PRC1: variants seen among roughly 807,000 people sequenced by gnomAD.
The protein encoded by PRC1 is anaphase spindle elongation 1 homolog.
A neutral mutation model predicts 91.2 loss-of-function variants in PRC1; 54 were observed. The observed-to-expected ratio is 0.59, with a 90% CI of 0.48 to 0.74. PRC1 has a LOEUF of 0.74. Ranked by LOEUF, PRC1 falls within the 30% of genes least tolerant of loss-of-function variation. The probability of loss-of-function intolerance (pLI) is 0.00; values close to 1 mark genes in which losing one functional copy is unlikely to be tolerated. For missense variants in PRC1, 727 were observed against 746.2 expected (o/e 0.97, Z 0.30); for synonymous variants, 275 against 263.6 (o/e 1.04, Z -0.42).
chr15:90,981,091 T>G, intron 5 of PRC1, 58 bp from the exon 6 acceptor site: 1 of 1,593,856 alleles, frequency 6.3e-7, no homozygotes, highest in South Asian at 1.1e-5. Context: ...AGGCTAGCCC[T>G]CTAGCCTCCC....
intron 7 of PRC1, 75 bp downstream of exon 7, chr15:90,980,167 C>A (rs913720386): frequency 6.9e-7 from 1 of 1,457,166 alleles, no homozygotes; most frequent in Non-Finnish European, 9.1e-7. Context: ...AGCCTAGGAA[C>A]TTGAGACTAG....
chr15:90,975,943 G>C (rs764207215), intron 9 of PRC1, among the ~76,000 whole-genome samples: 1 of 152,134 alleles, frequency 6.6e-6, no homozygotes, highest in Non-Finnish European at 1.5e-5. Context: ...CGGAGAAGAC[G>C]ACAACCATTT....
Position 90,984,169 on chromosome 15 carries a change from T to A in PRC1, c.145-29A>T. The A allele has an allele frequency of 6.2e-7, 1 of 1,608,438 alleles. No homozygotes were observed. Among genetic ancestry groups the A allele is most frequent in the South Asian group, 1.1e-5 (1 of 90,814 alleles). ...CAAGAGGGAAAACAGTCCATAAGTT[T>A]GGGGCAATGGAGGAAAAAAACTCCC... On this transcript the variant is annotated intron_variant, in intron 2 of 14. Coordinates refer to ENST00000394249, the MANE Select transcript of PRC1 (RefSeq NM_003981.4). This position sits in a 1 kb window ranked among gnomAD's most constrained non-coding sequence, Gnocchi z 5.1.
chr15:90,974,478 C>T lies in PRC1; in HGVS notation c.1350+107G>A, dbSNP rs1260499069. On this transcript the variant is annotated intron_variant, in intron 10 of 14. Coordinates refer to ENST00000394249, the MANE Select transcript of PRC1 (RefSeq NM_003981.4). This position sits in a 1 kb window ranked among gnomAD's most constrained non-coding sequence, Gnocchi z 4.6. The stretch of plus-strand genomic sequence containing the variant: ...CCCCGGCTTCCCGTTCCACAAGCCC[C>T]GGTCCCCGGCTCCCTGTTCCACAAA... 31 of 1,489,676 alleles carry T rather than the reference C, an allele frequency of 2.1e-5. No individual in the cohort carries two copies. The highest frequency in any genetic ancestry group is 1.7e-4 in the African/African-American group (12 of 71,094). 92.3% of individuals were successfully genotyped at this position (1,489,676 alleles called of 1,614,324 possible). A position where few individuals can be genotyped will look rare whatever the true frequency, so the allele number is the denominator to read the frequency against.
At chr15:90,987,866 A>G (rs992393507) in intron 1 of PRC1, 14 of 152,212 alleles carry the variant, frequency 9.2e-5, no homozygotes. Flanking sequence ...CAAAGCTGTT[A>G]ATACATTCAC....
Position 90,980,140 on chromosome 15 carries a change from G to A in PRC1, c.970+102C>T, listed in dbSNP as rs115006242. ...GTGGCCCAACACTTTGGGAGGCCAA[G>A]TTGGGAGGATTGTTTGAGCCTAGGA... On this transcript the variant is annotated intron_variant, in intron 7 of 14. Coordinates refer to ENST00000394249, the MANE Select transcript of PRC1 (RefSeq NM_003981.4). 939 of 1,404,382 alleles carry A rather than the reference G, an allele frequency of 6.7e-4. 5 individuals carry two copies. The African/African-American group carries it at 8.9e-3, about 13-fold the overall frequency. The allele number at this position is 1,404,382 out of a possible 1,614,324, so 87.0% of individuals were successfully genotyped here. A position where few individuals can be genotyped will look rare whatever the true frequency, so the allele number is the denominator to read the frequency against.
rs928804350 is a variant in PRC1 at position 90,966,744 on chromosome 15, A to G, written c.*387T>C. The G allele has an allele frequency of 6.7e-6, 3 of 447,094 alleles. No homozygotes were observed. The highest frequency in any genetic ancestry group is 1.4e-5 in the Non-Finnish European group (3 of 221,916). 27.7% of individuals were successfully genotyped at this position (447,094 alleles called of 1,614,324 possible). A position where few individuals can be genotyped will look rare whatever the true frequency, so the allele number is the denominator to read the frequency against. On this transcript the variant is annotated 3_prime_UTR_variant, in exon 15 of 15. Coordinates refer to ENST00000394249, the MANE Select transcript of PRC1 (RefSeq NM_003981.4). ...TGCCTAAACAAAAAAGATGTTAATT[A>G]CTAGTTACAGGTATACATGCCAAAA...
chr15:90,979,198 T>C lies in PRC1; in HGVS notation c.1067A>G (p.Gln356Arg). 6.2e-7 allele frequency: 1 copy of C among 1,614,196 alleles called. No homozygotes were observed. The highest frequency in any genetic ancestry group is 2.2e-5 in the East Asian group (1 of 44,894). The change falls in exon 8 of 15, where the codon CAG becomes CGG. Residue 356 changes from glutamine to arginine, a missense_variant. Gln to Arg is a conservative substitution (Grantham distance 43). Transcript: ENST00000394249. ...EVHKELFEGV[Q>R]KWEETWRLFL... The stretch of plus-strand genomic sequence containing the variant: ...AAGCCTCCAGGTTTCTTCCCACTTC[T>C]GGACACCTTCAAAGAGTTCCTTGTG...
intron 14 of PRC1, chr15:90,968,134 T>G (rs2037696940): frequency 1.0e-6 from 1 of 985,442 alleles, no homozygotes; most frequent in African/African-American, 1.7e-5. Flanking sequence ...TACCTAGGAC[T>G]AGCCACACAG....
At chr15:90,973,937 C>A (rs2038417460) in intron 11 of PRC1, 199 bp downstream of exon 11, 1 of 533,310 alleles carries the variant, frequency 1.9e-6, no homozygotes, top group Non-Finnish European at 3.4e-6. Context: ...TGGTGCAGGT[C>A]CTCTGTATGC....
At chr15:90,976,881 A>T in intron 8 of PRC1, 110 bp from the exon 9 acceptor site, 3 of 859,198 alleles carry the variant, frequency 3.5e-6, no homozygotes, top group Non-Finnish European at 5.4e-6. Context: ...CTGTAATCCC[A>T]GCACTTTGGG....
chr15:90,975,333 C>T (rs1207221732), intron 9 of PRC1, among the ~76,000 whole-genome samples: 7 of 152,012 alleles, frequency 4.6e-5, no homozygotes, highest in East Asian at 1.9e-4. Context: ...CGAACTGCCT[C>T]GGCCTCCCAA....
intron 1 of PRC1, among the ~76,000 whole-genome samples, chr15:90,990,502 A>C (rs1428314733): frequency 6.6e-6 from 1 of 151,334 alleles, no homozygotes; most frequent in African/African-American, 2.4e-5. Flanking sequence ...CTGGAATTAT[A>C]GGTGTGCGCC....
At chr15:90,990,943 TAATTTTTG>T (rs2039945832) in intron 1 of PRC1, among the ~76,000 whole-genome samples, 1 of 151,652 alleles carries the variant, frequency 6.6e-6, no homozygotes, top group South Asian at 2.1e-4. Flanking sequence ...CACGCCCGGC[TAATTTTTG>T]TATTTTTAGT....
In PRC1 at chr15:90,969,524, C is replaced by G; in HGVS notation, c.1672G>C (p.Gly558Arg). 6.2e-7 allele frequency: 1 copy of G among 1,613,672 alleles called. No individual in the cohort carries two copies. The highest frequency in any genetic ancestry group is 8.5e-7 in the Non-Finnish European group (1 of 1,179,688). Residue 558 changes from glycine to arginine, a missense_variant, in exon 13 of 15, where the codon GGT becomes CGT. Physicochemically the swap from Gly to Arg is moderately radical, Grantham distance 125 (BLOSUM62 -2). Transcript: ENST00000394249. ...AGGGGGGCCGAGCCAGGGTACCCAC[C>G]ACTCAGGATGCTGCCGTTGAGCTCC... ...NLELNGSILSGGYPGSAPLQR... is the reference protein window; with the variant it reads ...NLELNGSILSRGYPGSAPLQR...
intron 6 of PRC1, 160 bp from the exon 7 acceptor site, chr15:90,980,549 C>CAAACA: frequency 1.2e-6 from 1 of 830,656 alleles, no homozygotes; most frequent in Non-Finnish European, 1.8e-6. Flanking sequence ...GACAGGGTCT[C>CAAACA]ACTCTCTCGC....
rs1191527166 is a variant in PRC1 at position 90,976,602 on chromosome 15, TAGAA to T, written c.1203+70_1203+73del. The T allele has an allele frequency of 7.2e-6, 9 of 1,247,716 alleles. No homozygotes were observed. The African/African-American group carries it at 1.4e-4, about 19-fold the overall frequency. 77.3% of individuals were successfully genotyped at this position (1,247,716 alleles called of 1,614,324 possible). A position where few individuals can be genotyped will look rare whatever the true frequency, so the allele number is the denominator to read the frequency against. ...AGAAAATAGTTTTGGGGCTAAACAA[TAGAA>T]AGAAAAAGACATACAAATAGTGAGG... On this transcript the variant is annotated intron_variant, in intron 9 of 14. Coordinates refer to ENST00000394249, the MANE Select transcript of PRC1 (RefSeq NM_003981.4).
Position 90,974,608 on chromosome 15 carries a change from T to G in PRC1, c.1327A>C (p.Lys443Gln), listed in dbSNP as rs757361379. The change falls in exon 10 of 15, where the codon AAA becomes CAA. Residue 443 changes from lysine to glutamine, a missense_variant. Coordinates refer to ENST00000394249, the MANE Select transcript of PRC1 (RefSeq NM_003981.4). The surrounding 1 kb of genome is among the most constrained non-coding windows in gnomAD (Gnocchi z 4.6). ...AEQWEMHRLE[K>Q]ERAKQERQLK... Reference sequence around the variant, plus strand: ...ACTCTTTCCTGCTTGGCTCTCTCTTTCTCCAATCGATGCATCTCCCATTGT... The same window carrying G: ...ACTCTTTCCTGCTTGGCTCTCTCTTGCTCCAATCGATGCATCTCCCATTGT... The G allele has an allele frequency of 9.9e-6, 16 of 1,614,084 alleles. No homozygotes were observed. The Admixed American group carries it at 1.8e-4, about 18-fold the overall frequency.
At chr15:90,978,855 C>G (rs973088494) in intron 8 of PRC1, among the ~76,000 whole-genome samples, 2 of 151,906 alleles carry the variant, frequency 1.3e-5, no homozygotes, top group African/African-American at 4.8e-5. Flanking sequence ...GGGGAGCGCC[C>G]TGAGCCGGAG....
Sources: gnomAD v4.1 joint callset for allele counts (sites outside exome capture counted in the v4.1 genomes callset) on GRCh38, gnomAD v4.1.1 for gene constraint, Gnocchi (gnomAD v3.1) non-coding constraint, MANE v1.5 for transcripts, NCBI Gene and HGNC (gene_info 2026-07-23, HGNC 2026-07-21) for gene names.